Variants in THEMIS observed in about 807,000 individuals in gnomAD.
THEMIS encodes protein THEMIS.
Under a neutral mutation model 52.6 loss-of-function variants are expected in THEMIS, and 37 were observed. The ratio of observed to expected loss-of-function variants is 0.70; its 90% CI spans 0.54 to 0.93. The LOEUF (loss-of-function observed/expected upper bound fraction) is 0.93. Ranked by LOEUF, THEMIS falls within the 40% of genes least tolerant of loss-of-function variation. THEMIS has a pLI of 0.00. For synonymous variants in THEMIS, 292 were observed against 272.7 expected (o/e 1.07, Z -0.70); for missense variants, 808 against 763.1 (o/e 1.06, Z -0.69).
chr6:127,771,824 C>A (rs1776395437), intron 4 of THEMIS, among the ~76,000 whole-genome samples: 1 of 152,072 alleles, frequency 6.6e-6, no homozygotes, highest in East Asian at 1.9e-4. Flanking sequence ...ATATGAATAG[C>A]CCTTAGCCCA....
intron 1 of THEMIS, among the ~76,000 whole-genome samples, chr6:127,883,855 A>C (rs181777421): frequency 6.6e-6 from 1 of 152,226 alleles, no homozygotes; most frequent in Non-Finnish European, 1.5e-5. Context: ...TGCAGTTTTG[A>C]TTTATGATAT....
rs1041987232 is a variant in THEMIS, at chr6:127,890,555, T to C, written c.91+10287A>G. Among the ~76,000 whole-genome samples the C allele has an allele frequency of 5.3e-5, 8 of 152,236 alleles. No individual in the cohort carries two copies. In the East Asian group the frequency reaches 1.4e-3, roughly 26 times the overall value. On this transcript the variant is annotated intron_variant, in intron 1 of 5. Transcript: ENST00000368248. ...GGTGATCATAGTGAATAATAACTTA[T>C]TGTCTATTTCAAAATAACTGGAAGA... is the stretch of plus-strand genomic sequence containing the variant.
chr6:127,755,760 C>T (rs1166900426), intron 4 of THEMIS, among the ~76,000 whole-genome samples: 1 of 152,030 alleles, frequency 6.6e-6, no homozygotes, highest in Admixed American at 6.6e-5. Flanking sequence ...CAGTTGAACG[C>T]AGTGGCTCAC....
chr6:127,807,309 A>T, intron 4 of THEMIS: 1 of 241,766 alleles, frequency 4.1e-6, no homozygotes, highest in Non-Finnish European at 8.5e-6. Flanking sequence ...GCAGCGAGCC[A>T]AGATCACGCC....
chr6:127,881,081 C>T (rs1178876325), intron 1 of THEMIS, among the ~76,000 whole-genome samples: 1 of 152,012 alleles, frequency 6.6e-6, no homozygotes, highest in Non-Finnish European at 1.5e-5. Context: ...CAAGTTTTAT[C>T]ATCTTTTTTT....
intron 1 of THEMIS, among the ~76,000 whole-genome samples, chr6:127,894,954 AC>A (rs1421206753): frequency 4.0e-5 from 6 of 149,436 alleles, no homozygotes; most frequent in Non-Finnish European, 7.4e-5. Flanking sequence ...AAAAGTATAT[AC>A]TTTTTGAAAA....
In THEMIS at chr6:127,829,851, G is replaced by A; in HGVS notation, c.334C>T (p.Leu112=). ...TGATGATAGAAGCAAGGATGCCCTA[G>A]TCTACTTGGTCCAATATGAATGGTC... is the stretch of plus-strand genomic sequence containing the variant. ...TRTIHIGPSR[L]GHPCFYHQKD... Residue 112 remains leucine, a synonymous_variant, in exon 3 of 6, where the codon CTA becomes TTA. Transcript: ENST00000368248. The A allele has an allele frequency of 6.2e-7, 1 of 1,614,026 alleles. No individual in the cohort carries two copies. The highest frequency in any genetic ancestry group is 8.5e-7 in the Non-Finnish European group (1 of 1,179,988).
At chr6:127,780,329 G>A (rs940699050) in intron 4 of THEMIS, among the ~76,000 whole-genome samples, 1 of 152,118 alleles carries the variant, frequency 6.6e-6, no homozygotes, top group Admixed American at 6.6e-5. Context: ...ACAGCACACC[G>A]ATGGGTCTTT....
intron 1 of THEMIS, chr6:127,868,397 T>G: frequency 1.0e-6 from 1 of 982,508 alleles, no homozygotes; most frequent in Non-Finnish European, 1.2e-6. Context: ...TTGCCAATAT[T>G]TCTGAGGAAA....
intron 2 of THEMIS, among the ~76,000 whole-genome samples, chr6:127,842,575 C>A (rs1779084759): frequency 1.3e-5 from 2 of 151,814 alleles, no homozygotes; most frequent in African/African-American, 4.8e-5. Flanking sequence ...GAAGAGAATT[C>A]TCCGTAGCAT....
At chr6:127,902,461 A>T (rs1781166937), upstream of THEMIS, among the ~76,000 whole-genome samples, 1 of 151,724 alleles carries the variant, frequency 6.6e-6, no homozygotes, top group Admixed American at 6.6e-5. Flanking sequence ...GGCTGCAGAG[A>T]GCATAGCCAC....
intron 1 of THEMIS, among the ~76,000 whole-genome samples, chr6:127,892,890 ATAG>A (rs2114477208): frequency 6.6e-6 from 1 of 152,230 alleles, no homozygotes; most frequent in African/African-American, 2.4e-5. Context: ...AGCATTGTTG[ATAG>A]TAGATTTGAA....
downstream of THEMIS, among the ~76,000 whole-genome samples, chr6:127,704,433 T>A (rs1773774458): frequency 6.6e-6 from 1 of 152,148 alleles, no homozygotes; most frequent in African/African-American, 2.4e-5. Flanking sequence ...GTCTAATAGA[T>A]AAAGATAGTG....
Position 127,746,557 on chromosome 6 carries a change from A to G in THEMIS, c.1759-26734T>C, listed in dbSNP as rs555341026. On this transcript the variant is annotated intron_variant, in intron 4 of 5. Coordinates refer to ENST00000368248, the MANE Select transcript of THEMIS (RefSeq NM_001010923.3). Reference sequence around the variant, plus strand: ...GTTATTTATATCAAGTAACAAATCAACGATGTGCTAAAAGATTTAACAAGG... The same window carrying G: ...GTTATTTATATCAAGTAACAAATCAGCGATGTGCTAAAAGATTTAACAAGG... Among the ~76,000 whole-genome samples, 5 of 149,350 alleles carry G rather than the reference A, an allele frequency of 3.3e-5. No individual in the cohort carries two copies. The South Asian group carries it at 1.0e-3, about 31-fold the overall frequency.
chr6:127,890,590 G>A (rs551552221), intron 1 of THEMIS, among the ~76,000 whole-genome samples: 3 of 152,014 alleles, frequency 2.0e-5, no homozygotes, highest in South Asian at 4.2e-4. Context: ...AAAAAATTTG[G>A]AATAGTCCCA....
chr6:127,817,930 CAGGG>C (rs1778192975), intron 3 of THEMIS, among the ~76,000 whole-genome samples: 1 of 152,112 alleles, frequency 6.6e-6, no homozygotes, highest in Non-Finnish European at 1.5e-5. Context: ...GTGCTTCTGG[CAGGG>C]TGAGAGAAGA....
chr6:127,877,108 A>T (rs530175705), intron 1 of THEMIS, among the ~76,000 whole-genome samples: 1 of 152,322 alleles, frequency 6.6e-6, no homozygotes, highest in East Asian at 1.9e-4. Flanking sequence ...AACTGCTAAC[A>T]ATCCTCTGAG....
chr6:127,727,167 T>G (rs2114508433), intron 4 of THEMIS, among the ~76,000 whole-genome samples: 1 of 152,320 alleles, frequency 6.6e-6, no homozygotes, highest in East Asian at 1.9e-4. Context: ...AGATAAATCT[T>G]CTTCCTTATT....
At chr6:127,902,324 C>CAAAAAAAAAAA (rs35320887), upstream of THEMIS, among the ~76,000 whole-genome samples, 8 of 109,740 alleles carry the variant, frequency 7.3e-5, no homozygotes, top group Non-Finnish European at 1.3e-4. Flanking sequence ...GACTCTGTCT[C>CAAAAAAAAAAA]AAAAAAAAAA....
Sources: gnomAD v4.1 joint callset for allele counts (sites outside exome capture counted in the v4.1 genomes callset) on GRCh38, gnomAD v4.1.1 for gene constraint, MANE v1.5 for transcripts, NCBI Gene and HGNC (gene_info 2026-07-23, HGNC 2026-07-21) for gene names.